DTX1: variants seen among roughly 807,000 people sequenced by gnomAD.
DTX1 encodes the protein deltex E3 ubiquitin ligase 1, also known as E3 ubiquitin-protein ligase DTX1.
DTX1 carries 26 observed loss-of-function variants against 57.8 expected under a neutral mutation model. The ratio of observed to expected loss-of-function variants is 0.45; its 90% CI spans 0.33 to 0.62. The LOEUF (loss-of-function observed/expected upper bound fraction) is 0.62, where lower values mean the gene tolerates loss of function less well. Among genes scored for constraint, DTX1 ranks in the 20% least tolerant of loss-of-function variants. The pLI, the probability that DTX1 is intolerant of heterozygous loss-of-function variation, is 0.02. For missense variants in DTX1, 704 were observed against 895.3 expected (o/e 0.79, Z 2.73); for synonymous variants, 398 against 394.1 (o/e 1.01, Z -0.12).
In DTX1 at chr12:113,077,813, G is replaced by T. The variant is rs1158248998; in HGVS notation, c.649G>T (p.Ala217Ser). Residue 217 changes from alanine to serine, a missense_variant, in exon 3 of 10, where the codon GCC (alanine) becomes TCC (serine). Transcript: ENST00000548759. The surrounding 1 kb of genome is among the most constrained non-coding windows in gnomAD (Gnocchi z 7.8). ...LVNSTRAASN[A>S]ILASQRRKAP... The stretch of plus-strand genomic sequence containing the variant: ...CAACAGCACGCGCGCCGCCTCCAAC[G>T]CCATCCTGGCCTCGCAGCGCCGCAA... 6.9e-7 allele frequency: 1 copy of T among 1,444,046 alleles called. No individual in the cohort carries two copies. Among genetic ancestry groups the T allele is most frequent in the Non-Finnish European group, 9.0e-7 (1 of 1,108,230 alleles). The allele number at this position is 1,444,046 out of a possible 1,614,324, so 89.5% of individuals were successfully genotyped here.
Position 113,093,789 on chromosome 12 carries a change from A to C in DTX1, c.1165+89A>C. ...GACCCCTGGTCTCCAACTTATTCTTAGCATTTACTACCTCACCTCCATTGC... is the reference window on the plus strand; with the variant it reads ...GACCCCTGGTCTCCAACTTATTCTTCGCATTTACTACCTCACCTCCATTGC... On this transcript the variant is annotated intron_variant, in intron 5 of 9. Transcript: ENST00000548759. The surrounding 1 kb of genome is among the most constrained non-coding windows in gnomAD (Gnocchi z 4.2). The C allele has an allele frequency of 6.4e-7, 1 of 1,551,988 alleles. No individual in the cohort carries two copies. Among genetic ancestry groups the C allele is most frequent in the Non-Finnish European group, 8.7e-7 (1 of 1,143,026 alleles).
intron 3 of DTX1, 105 bp downstream of exon 3, chr12:113,078,210 T>A: frequency 1.1e-6 from 1 of 892,990 alleles, no homozygotes; most frequent in Non-Finnish European, 1.4e-6. Context: ...ACAATAATAA[T>A]AATGACGATA....
intron 3 of DTX1, among the ~76,000 whole-genome samples, chr12:113,083,411 C>T (rs563638558): frequency 2.1e-3 from 313 of 152,168 alleles, no homozygotes; most frequent in Non-Finnish European, 3.3e-3. Context: ...CTGCAACCTC[C>T]ACCTCCCAGG....
At position 113,095,345 on chromosome 12, in the gene DTX1, C is replaced by G. The variant is rs61758446; in HGVS notation, c.1569C>G (p.Pro523=). Residue 523 remains proline, a synonymous_variant, in exon 9 of 10, where the codon CCC becomes CCG. Coordinates refer to ENST00000548759, the MANE Select transcript of DTX1 (RefSeq NM_004416.3). ...TGCAGGGCCCTGAGCACCCCAACCC[C>G]GGGAAGAAGTTCACCGCAAGAGGAT... is the stretch of plus-strand genomic sequence containing the variant. ...TGIQGPEHPN[P]GKKFTARGFP... The G allele has an allele frequency of 3.7e-6, 6 of 1,614,196 alleles. No homozygotes were observed. The East Asian group carries it at 1.3e-4, about 36-fold the overall frequency.
Position 113,058,240 on chromosome 12 carries a change from C to T in DTX1, c.48C>T (p.Gly16=). ...GGCTGATGCCTGTGAATGGTCTGGG[C>T]TTCCCACCGCAGAACGTGGCCCGGG... is the stretch of plus-strand genomic sequence containing the variant. The part of the protein sequence containing the change: ...HGGLMPVNGL[G]FPPQNVARVV... The change falls in exon 2 of 10, where the codon GGC becomes GGT. Residue 16 remains glycine (G), a synonymous_variant. Coordinates refer to ENST00000548759, the MANE Select transcript of DTX1 (RefSeq NM_004416.3). 1 of 1,613,212 alleles carries T rather than the reference C, an allele frequency of 6.2e-7. No individual in the cohort carries two copies. The highest frequency in any genetic ancestry group is 8.5e-7 in the Non-Finnish European group (1 of 1,179,910).
intron 3 of DTX1, among the ~76,000 whole-genome samples, chr12:113,082,755 C>T (rs999749468): frequency 6.6e-6 from 1 of 152,094 alleles, no homozygotes; most frequent in Non-Finnish European, 1.5e-5. Context: ...ACCACCACAC[C>T]CAGCTAATTT....
At chr12:113,089,888 C>G (rs1950233824) in intron 3 of DTX1, 1 of 152,220 alleles carries the variant, frequency 6.6e-6, no homozygotes, top group African/African-American at 2.4e-5. Context: ...TGTCTAACTC[C>G]TAGACCAAAC....
chr12:113,089,894 C>T (rs936394262), intron 3 of DTX1: 1 of 152,202 alleles, frequency 6.6e-6, no homozygotes, highest in African/African-American at 2.4e-5. Flanking sequence ...ACTCCTAGAC[C>T]AAACACTCAG....
Position 113,094,907 on chromosome 12 carries a change from A to G in DTX1, c.1346A>G (p.His449Arg). 6.2e-7 allele frequency: 1 copy of G among 1,613,614 alleles called. No individual in the cohort carries two copies. The highest frequency in any genetic ancestry group is 8.5e-7 in the Non-Finnish European group (1 of 1,179,964). Residue 449 changes from histidine to arginine, a missense_variant, in exon 7 of 10, where the codon CAC (histidine) becomes CGC (arginine). By Grantham distance (29) the His-to-Arg change is conservative. This residue lies in a region of DTX1 where 168 missense variants were observed against 255.6 expected (regional missense o/e 0.66). Coordinates refer to ENST00000548759, the MANE Select transcript of DTX1 (RefSeq NM_004416.3). ...CTGGGCCGCTGTGGCCACATGTACCACCTGCTGTGCCTCGTGGCCATGTAC... is the reference window on the plus strand; with the variant it reads ...CTGGGCCGCTGTGGCCACATGTACCGCCTGCTGTGCCTCGTGGCCATGTAC... ...GRLGRCGHMY[H>R]LLCLVAMYSN...
At chr12:113,091,945 T>C (rs762651695) in intron 3 of DTX1, among the ~76,000 whole-genome samples, 2 of 152,192 alleles carry the variant, frequency 1.3e-5, no homozygotes, top group Non-Finnish European at 2.9e-5. Context: ...AAGACACCAG[T>C]TCCCCTGCAT....
intron 2 of DTX1, among the ~76,000 whole-genome samples, chr12:113,059,559 C>T (rs1250934998): frequency 3.9e-5 from 6 of 151,960 alleles, no homozygotes; most frequent in South Asian, 2.1e-4. Context: ...GGGAGATCTC[C>T]CTGAGTCATT....
chr12:113,093,365 GGGCGGGCGT>G lies in DTX1; in HGVS notation c.1003+146_1003+154del. On this transcript the variant is annotated intron_variant, in intron 4 of 9. Transcript: ENST00000548759. The surrounding 1 kb of genome is among the most constrained non-coding windows in gnomAD (Gnocchi z 4.2). The stretch of plus-strand genomic sequence containing the variant: ...CCCCTTCCACTGGGCCCAGGACACA[GGGCGGGCGT>G]GGCCCGCAGAAAGGCCCTTCAGGGG... 7.5e-7 allele frequency: 1 copy of G among 1,327,312 alleles called. No individual in the cohort carries two copies. The highest frequency in any genetic ancestry group is 1.0e-6 in the Non-Finnish European group (1 of 991,330). 82.2% of individuals were successfully genotyped at this position (1,327,312 alleles called of 1,614,324 possible).
intron 2 of DTX1, among the ~76,000 whole-genome samples, chr12:113,068,888 C>T (rs1016914862): frequency 6.6e-6 from 1 of 152,224 alleles, no homozygotes; most frequent in African/African-American, 2.4e-5. Flanking sequence ...AAGTTCAAAT[C>T]CTGACTAGAT....
intron 3 of DTX1, among the ~76,000 whole-genome samples, chr12:113,092,465 A>G (rs1419857021): frequency 6.6e-6 from 1 of 152,192 alleles, no homozygotes; most frequent in Non-Finnish European, 1.5e-5. Context: ...TCCAAAAGCC[A>G]AAGCTCTTTT....
chr12:113,077,437 C>A lies in DTX1; in HGVS notation c.273C>A (p.Pro91=). Residue 91 remains proline (P), a synonymous_variant, in exon 3 of 10, where the codon CCC becomes CCA. Coordinates refer to ENST00000548759, the MANE Select transcript of DTX1 (RefSeq NM_004416.3). This position sits in a 1 kb window ranked among gnomAD's most constrained non-coding sequence, Gnocchi z 7.8. ...TTTCGAGTACAGGCACCATGCGGCC[C>A]GTGCGGCGCAACTTCTACGACCCGT... ...QFRQDTGTMR[P]VRRNFYDPSS... 1 of 1,607,780 alleles carries A rather than the reference C, an allele frequency of 6.2e-7. No homozygotes were observed. Among genetic ancestry groups the A allele is most frequent in the Non-Finnish European group, 8.5e-7 (1 of 1,178,936 alleles).
intron 3 of DTX1, among the ~76,000 whole-genome samples, chr12:113,086,409 A>G (rs970019180): frequency 6.6e-6 from 1 of 152,120 alleles, no homozygotes; most frequent in African/African-American, 2.4e-5. Flanking sequence ...AATCGGTGGG[A>G]AAGAAGTAAG....
At chr12:113,094,196 C>G in intron 6 of DTX1, 97 bp downstream of exon 6, 2 of 1,102,530 alleles carry the variant, frequency 1.8e-6, no homozygotes, top group South Asian at 1.6e-5. Flanking sequence ...CAGAGCTCTT[C>G]TAGTTTGTTC....
chr12:113,094,318 C>A (rs1303708595), intron 6 of DTX1, among the ~76,000 whole-genome samples: 1 of 152,218 alleles, frequency 6.6e-6, no homozygotes, highest in Non-Finnish European at 1.5e-5. Flanking sequence ...CCCATATTTT[C>A]CACTAAATGT....
In DTX1 at chr12:113,077,777, T is replaced by A; in HGVS notation, c.613T>A (p.Cys205Ser). 6.6e-7 allele frequency: 1 copy of A among 1,520,796 alleles called. No individual in the cohort carries two copies. The highest frequency in any genetic ancestry group is 8.8e-7 in the Non-Finnish European group (1 of 1,141,004). 94.2% of individuals were successfully genotyped at this position (1,520,796 alleles called of 1,614,324 possible). A position where few individuals can be genotyped will look rare whatever the true frequency, so the allele number is the denominator to read the frequency against. The change falls in exon 3 of 10, where the codon TGC becomes AGC. Residue 205 changes from cysteine to serine, a missense_variant. By Grantham distance (112) the Cys-to-Ser change is moderately radical. This residue lies in a region of DTX1 where 237 missense variants were observed against 328.6 expected (regional missense o/e 0.72). Transcript: ENST00000548759. This position sits in a 1 kb window ranked among gnomAD's most constrained non-coding sequence, Gnocchi z 7.8. ...GGGCCAGCCCTGCTCCTGCCAGCAG[T>A]GCCTGCTGGTCAACAGCACGCGCGC... ...SSGQPCSCQQ[C>S]LLVNSTRAAS...
Sources: gnomAD v4.1 joint callset for allele counts (sites outside exome capture counted in the v4.1 genomes callset) on GRCh38, gnomAD v4.1.1 for gene constraint, gnomAD v4.1.1 regional missense constraint, Gnocchi (gnomAD v3.1) non-coding constraint, MANE v1.5 for transcripts, NCBI Gene and HGNC (gene_info 2026-07-23, HGNC 2026-07-21) for gene names.